The following RAB30 variants were observed in gnomAD, a reference collection of about 807,000 sequenced individuals.
RAB30 encodes the protein RAB30, member RAS oncogene family.
RAB30 carries 9 observed loss-of-function variants against 25.1 expected under a neutral mutation model. The ratio of observed to expected loss-of-function variants is 0.36; its 90% CI spans 0.22 to 0.63. The LOEUF is 0.63. RAB30 is among the 20% of genes least tolerant of loss of function. The pLI is 0.69. For missense variants in RAB30, 140 were observed against 243.5 expected (o/e 0.58, Z 2.83); for synonymous variants, 77 against 86.4 (o/e 0.89, Z 0.60).
chr11:82,991,957 G>A (rs549146125), intron 3 of RAB30, among the ~76,000 whole-genome samples: 6 of 152,206 alleles, frequency 3.9e-5, no homozygotes, highest in Admixed American at 1.3e-4. Context: ...TGGGAATTCA[G>A]GAAAGAAAAA....
chr11:83,018,422 T>A (rs1285198819), intron 1 of RAB30, among the ~76,000 whole-genome samples: 1 of 152,232 alleles, frequency 6.6e-6, no homozygotes. Flanking sequence ...TGGTTTTAAT[T>A]TGCATTTCCC....
chr11:83,059,362 T>C (rs1285518213), intron 1 of RAB30, among the ~76,000 whole-genome samples: 1 of 152,244 alleles, frequency 6.6e-6, no homozygotes, highest in African/African-American at 2.4e-5. Flanking sequence ...GATTTTTCCA[T>C]ATCTGTACTT....
At chr11:83,061,910 C>A (rs1858592352) in intron 1 of RAB30, among the ~76,000 whole-genome samples, 1 of 151,732 alleles carries the variant, frequency 6.6e-6, no homozygotes, top group Non-Finnish European at 1.5e-5. Context: ...GAAAAAGAAT[C>A]AAATAAAACA....
chr11:83,009,219 C>CCA (rs918044515), intron 1 of RAB30, among the ~76,000 whole-genome samples: 2 of 152,086 alleles, frequency 1.3e-5, no homozygotes, highest in African/African-American at 4.8e-5. Context: ...GCACCCGCCA[C>CCA]CATGCCTGGC....
intron 1 of RAB30, among the ~76,000 whole-genome samples, chr11:83,070,921 T>G (rs71465531): frequency 0.13 from 20,162 of 152,234 alleles, 1,436 homozygotes; most frequent in Middle Eastern, 0.22. Context: ...CTCATTATGG[T>G]ACCATTGTCA....
intron 1 of RAB30, among the ~76,000 whole-genome samples, chr11:83,049,621 C>A (rs1318779986): frequency 6.6e-6 from 1 of 151,642 alleles, no homozygotes; most frequent in African/African-American, 2.4e-5. Context: ...GCTGGGACTA[C>A]AAGGTATACG....
chr11:83,024,829 G>A (rs988264773), intron 1 of RAB30, among the ~76,000 whole-genome samples: 7 of 152,180 alleles, frequency 4.6e-5, no homozygotes, highest in African/African-American at 7.2e-5. Context: ...AGTAACAAGC[G>A]TGAAGTAAAG....
intron 1 of RAB30, among the ~76,000 whole-genome samples, chr11:83,024,040 C>T (rs549670720): frequency 6.6e-6 from 1 of 152,270 alleles, no homozygotes; most frequent in South Asian, 2.1e-4. Flanking sequence ...ACTCCATATC[C>T]CGGGGCCTCT....
chr11:83,013,486 C>T (rs1857349445), intron 1 of RAB30, among the ~76,000 whole-genome samples: 1 of 152,166 alleles, frequency 6.6e-6, no homozygotes, highest in Non-Finnish European at 1.5e-5. Context: ...CATCGCCTGA[C>T]ATTTCAGTAG....
chr11:83,027,579 G>C (rs1006678718), intron 1 of RAB30, among the ~76,000 whole-genome samples: 3 of 152,008 alleles, frequency 2.0e-5, no homozygotes, highest in African/African-American at 7.3e-5. Context: ...TCTGTATTCA[G>C]AGTTTCCTGA....
chr11:82,987,962 G>A lies in RAB30; in HGVS notation c.178-192C>T, dbSNP rs934710241. ...CTGAAAATTAAAAAAAAAAAAATCTGTTGGGTGTGTTTCTGGTTAGGGAGA... is the reference window on the plus strand; with the variant it reads ...CTGAAAATTAAAAAAAAAAAAATCTATTGGGTGTGTTTCTGGTTAGGGAGA... On this transcript the variant is annotated intron_variant, in intron 3 of 4. Transcript: ENST00000527633. Among the ~76,000 whole-genome samples, 9 of 104,864 alleles carry A rather than the reference G, an allele frequency of 8.6e-5. No individual in the cohort carries two copies. In the East Asian group the frequency reaches 2.5e-3, roughly 29 times the overall value. 68.8% of individuals were successfully genotyped at this position (104,864 alleles called of 152,430 possible).
Position 83,061,543 on chromosome 11 carries a change from C to T in RAB30, c.-9+10148G>A, listed in dbSNP as rs369083692. Reference sequence around the variant, plus strand: ...TTAAGGGCCTAGAGACAAAGCATGGCGATATCTGCAACTTACTTTCAAGTG... The same window carrying T: ...TTAAGGGCCTAGAGACAAAGCATGGTGATATCTGCAACTTACTTTCAAGTG... On this transcript the variant is annotated intron_variant, in intron 1 of 4. Coordinates refer to ENST00000527633, the MANE Select transcript of RAB30 (RefSeq NM_001286060.2). Among the ~76,000 whole-genome samples, 40 of 152,058 alleles carry T rather than the reference C, an allele frequency of 2.6e-4. No homozygotes were observed. The East Asian group carries it at 4.0e-3, about 15-fold the overall frequency.
At chr11:83,018,297 CAAAAA>C (rs904843218) in intron 1 of RAB30, among the ~76,000 whole-genome samples, 11 of 68,566 alleles carry the variant, frequency 1.6e-4, no homozygotes, top group African/African-American at 4.9e-4. Context: ...GACTCCATCT[CAAAAA>C]AAAAAAAAAA....
chr11:83,020,405 G>A (rs774759523), intron 1 of RAB30, among the ~76,000 whole-genome samples: 5 of 152,336 alleles, frequency 3.3e-5, no homozygotes, highest in African/African-American at 4.8e-5. Context: ...AGCCCCCTCC[G>A]GACTTTAGGC....
chr11:83,024,530 A>C (rs1171192306), intron 1 of RAB30, among the ~76,000 whole-genome samples: 1 of 152,244 alleles, frequency 6.6e-6, no homozygotes, highest in African/African-American at 2.4e-5. Context: ...TGTACAAAAA[A>C]TGTATGACCT....
intron 1 of RAB30, among the ~76,000 whole-genome samples, chr11:82,998,547 A>T (rs1489012894): frequency 2.1e-4 from 16 of 76,958 alleles, no homozygotes; most frequent in South Asian, 1.9e-3. Flanking sequence ...GACTCTGTCT[A>T]AAAAAAAAAA....
Position 82,979,518 on chromosome 11 carries a change from T to C in RAB30, c.*2647A>G, listed in dbSNP as rs1485243583. The C allele has an allele frequency of 6.6e-6, 1 of 152,218 alleles. No individual in the cohort carries two copies. The highest frequency in any genetic ancestry group is 1.9e-4 in the East Asian group (1 of 5,200). 9.4% of individuals were successfully genotyped at this position (152,218 alleles called of 1,614,324 possible). On this transcript the variant is annotated 3_prime_UTR_variant, in exon 5 of 5. Coordinates refer to ENST00000527633, the MANE Select transcript of RAB30 (RefSeq NM_001286060.2). ...ATTTAGGTTCTGGCCTGGGTTAAGA[T>C]GACTGTATTTAGTGTCCTTTCTCAA... is the stretch of plus-strand genomic sequence containing the variant.
intron 1 of RAB30, 50 bp from the exon 2 acceptor site, chr11:82,997,374 C>T (rs868134211): frequency 3.8e-6 from 5 of 1,311,588 alleles, no homozygotes; most frequent in African/African-American, 2.9e-5. Context: ...CAGACTTGCC[C>T]ACAGAGCTCA....
intron 1 of RAB30, chr11:83,038,960 T>C (rs1407289179): frequency 6.6e-6 from 1 of 152,224 alleles, no homozygotes; most frequent in East Asian, 1.9e-4. Context: ...GTAGCCACTA[T>C]TGTTATTCCA....
Sources: gnomAD v4.1 joint callset for allele counts (sites outside exome capture counted in the v4.1 genomes callset) on GRCh38, gnomAD v4.1.1 for gene constraint, MANE v1.5 for transcripts, NCBI Gene and HGNC (gene_info 2026-07-23, HGNC 2026-07-21) for gene names.